The following MCC variants were observed in gnomAD, a reference collection of about 807,000 sequenced individuals.
MCC encodes the protein MCC regulator of Wnt signaling pathway.
MCC carries 90 observed loss-of-function variants against 116.2 expected under a neutral mutation model. The observed-to-expected ratio is 0.77, with a 90% confidence interval of 0.65 to 0.92. The LOEUF is 0.92. MCC is among the 40% of genes least tolerant of loss of function. The probability of loss-of-function intolerance (pLI) is 0.00; values close to 1 mark genes in which losing one functional copy is unlikely to be tolerated. For synonymous variants in MCC, 578 were observed against 510.5 expected (o/e 1.13, Z -1.78); for missense variants, 1,516 against 1,312.2 (o/e 1.16, Z -2.40).
At chr5:113,413,930 C>G (rs56180725) in intron 1 of MCC, among the ~76,000 whole-genome samples, 26,047 of 152,186 alleles carry the variant, frequency 0.17, 2,447 homozygotes, top group Non-Finnish European at 0.22. Context: ...TTTCCCTCTA[C>G]ACACTGCTTT....
chr5:113,315,851 C>G (rs892562839), intron 3 of MCC, among the ~76,000 whole-genome samples: 3 of 151,930 alleles, frequency 2.0e-5, no homozygotes, highest in Admixed American at 2.0e-4. Context: ...GCGCTCCAGC[C>G]CGGGTGACAG....
chr5:113,223,234 G>A (rs1283317529), intron 3 of MCC, among the ~76,000 whole-genome samples: 1 of 152,224 alleles, frequency 6.6e-6, no homozygotes, highest in Non-Finnish European at 1.5e-5. Context: ...GAGAGCAGAA[G>A]TTGCTGATGG....
At position 113,350,138 on chromosome 5, in the gene MCC, A is replaced by G. The variant is rs183018485; in HGVS notation, c.416-9408T>C. On this transcript the variant is annotated intron_variant, in intron 2 of 18. Coordinates refer to ENST00000408903, the MANE Select transcript of MCC (RefSeq NM_001085377.2). Reference sequence around the variant, plus strand: ...CTACCCAAAGCAATCTACAGATTCAATGCAATCCCTTTCAAAATACTAATG... The same window carrying G: ...CTACCCAAAGCAATCTACAGATTCAGTGCAATCCCTTTCAAAATACTAATG... Among the ~76,000 whole-genome samples, 413 of 152,262 alleles carry G rather than the reference A, an allele frequency of 2.7e-3. 3 individuals carry two copies. Among genetic ancestry groups the G allele is most frequent in the Admixed American group, 0.024 (372 of 15,288 alleles).
At chr5:113,036,304 C>A (rs1429039899) in intron 17 of MCC, among the ~76,000 whole-genome samples, 1 of 152,068 alleles carries the variant, frequency 6.6e-6, no homozygotes, top group Non-Finnish European at 1.5e-5. Flanking sequence ...TCCGAAAGTA[C>A]TAGGATTACA....
At chr5:113,436,145 C>T (rs1770852110) in intron 1 of MCC, 1 of 152,582 alleles carries the variant, frequency 6.6e-6, no homozygotes, top group Non-Finnish European at 1.5e-5. Flanking sequence ...GTCGCTCAGG[C>T]TGGGTTGGGT....
intron 3 of MCC, among the ~76,000 whole-genome samples, chr5:113,315,610 G>A (rs1051698905): frequency 6.8e-6 from 1 of 146,304 alleles, no homozygotes; most frequent in African/African-American, 2.5e-5. Context: ...GCTCACATCT[G>A]TAATCCTAGC....
At chr5:113,122,613 C>T (rs1757798695) in intron 6 of MCC, 71 bp downstream of exon 6, 2 of 1,567,910 alleles carry the variant, frequency 1.3e-6, no homozygotes, top group South Asian at 2.3e-5. Context: ...CAGGCTGCCT[C>T]ACATTTCTAA....
intron 3 of MCC, among the ~76,000 whole-genome samples, chr5:113,224,968 G>C (rs182467041): frequency 4.1e-4 from 63 of 152,298 alleles, no homozygotes; most frequent in Non-Finnish European, 4.9e-4. Flanking sequence ...AGAAATGTAG[G>C]AGTGGTGACC....
chr5:113,356,809 G>A (rs1768426378), intron 2 of MCC, among the ~76,000 whole-genome samples: 1 of 152,166 alleles, frequency 6.6e-6, no homozygotes, highest in Admixed American at 6.5e-5. Context: ...TTTACCTTAA[G>A]GTTGGTAACA....
chr5:113,427,351 G>T (rs1770511459), intron 1 of MCC, among the ~76,000 whole-genome samples: 1 of 152,186 alleles, frequency 6.6e-6, no homozygotes, highest in African/African-American at 2.4e-5. Context: ...GCTGTTGTTT[G>T]GGAGTTGACT....
chr5:113,376,079 A>G (rs1310424352), intron 2 of MCC, among the ~76,000 whole-genome samples: 1 of 152,198 alleles, frequency 6.6e-6, no homozygotes, highest in Non-Finnish European at 1.5e-5. Context: ...ATAAGAGTAG[A>G]TTTAAAATAA....
intron 3 of MCC, among the ~76,000 whole-genome samples, chr5:113,250,413 C>A (rs899714186): frequency 2.0e-5 from 3 of 152,234 alleles, no homozygotes; most frequent in Non-Finnish European, 4.4e-5. Context: ...TCAAAGGTCA[C>A]GTAACATGAC....
At chr5:113,479,457 C>T (rs1055547212) in intron 1 of MCC, among the ~76,000 whole-genome samples, 1 of 152,080 alleles carries the variant, frequency 6.6e-6, no homozygotes, top group Non-Finnish European at 1.5e-5. Context: ...CCTTTTATTG[C>T]ATGTCAGTAA....
chr5:113,213,601 G>A (rs1378509571), intron 3 of MCC, among the ~76,000 whole-genome samples: 1 of 152,156 alleles, frequency 6.6e-6, no homozygotes, highest in Non-Finnish European at 1.5e-5. Flanking sequence ...CTGACAAGCG[G>A]CTTTGACAAC....
chr5:113,361,920 C>G (rs1768558324), intron 2 of MCC, among the ~76,000 whole-genome samples: 1 of 152,182 alleles, frequency 6.6e-6, no homozygotes, highest in Non-Finnish European at 1.5e-5. Context: ...GAGAGTTACA[C>G]CATAGGCTCC....
chr5:113,298,458 T>G (rs960604493), intron 3 of MCC, among the ~76,000 whole-genome samples: 1 of 152,090 alleles, frequency 6.6e-6, no homozygotes, highest in African/African-American at 2.4e-5. Flanking sequence ...GAGGAGAAAC[T>G]GGGGGTAGTG....
chr5:113,245,361 G>T (rs1324318900), intron 3 of MCC, among the ~76,000 whole-genome samples: 1 of 149,032 alleles, frequency 6.7e-6, no homozygotes, highest in Non-Finnish European at 1.5e-5. Flanking sequence ...ACAAACCAAA[G>T]AAATATCTTA....
In MCC at chr5:113,198,469, A is replaced by G. The variant is rs923104428; in HGVS notation, c.628-47047T>C. On this transcript the variant is annotated intron_variant, in intron 3 of 18. Transcript: ENST00000408903. ...CAGCACTTTGGGAGGTTGAGGCAGG[A>G]GAATGGCTGGAGCCCAGGAGTTCGA... Among the ~76,000 whole-genome samples, 5 of 151,696 alleles carry G rather than the reference A, an allele frequency of 3.3e-5. 1 individual carries two copies. The highest frequency in any genetic ancestry group is 3.3e-4 in the Admixed American group (5 of 15,210).
At chr5:113,201,515 A>C (rs940277392) in intron 3 of MCC, among the ~76,000 whole-genome samples, 2 of 152,150 alleles carry the variant, frequency 1.3e-5, no homozygotes, top group African/African-American at 4.8e-5. Context: ...TGACTTTAAA[A>C]ACCCAAGAAC....
Sources: allele counts gnomAD v4.1 joint callset (sites outside exome capture counted in the v4.1 genomes callset), GRCh38; gene constraint gnomAD v4.1.1; transcripts MANE v1.5; gene names NCBI Gene and HGNC (gene_info 2026-07-23, HGNC 2026-07-21).